AHNAK: variants seen among roughly 807,000 people sequenced by gnomAD.
AHNAK encodes neuroblast differentiation-associated protein AHNAK.
A neutral mutation model predicts 37.8 loss-of-function variants in AHNAK; 23 were observed. That is an observed-to-expected ratio of 0.61 (90% CI 0.44 to 0.86). The LOEUF is 0.86. AHNAK is among the 40% of genes least tolerant of loss of function. AHNAK has a pLI of 0.00. For synonymous variants in AHNAK, 2,481 were observed against 2,636.3 expected (o/e 0.94, Z 1.80); for missense variants, 7,411 against 7,319.4 (o/e 1.01, Z -0.46).
chr11:62,527,542 T>C lies in AHNAK; in HGVS notation c.6875A>G (p.Glu2292Gly). The C allele has an allele frequency of 6.2e-7, 1 of 1,612,810 alleles. No homozygotes were observed. ...EVPDVSLEGPEGKLKGPKFKM... is the reference protein window; with the variant it reads ...EVPDVSLEGPGGKLKGPKFKM... The stretch of plus-strand genomic sequence containing the variant: ...AAACTTGGGGCCCTTCAGCTTCCCT[T>C]CTGGACCTTCAAGGCTCACATCTGG... Residue 2292 changes from glutamate to glycine, a missense_variant, in exon 5 of 5, where the codon GAA becomes GGA. Transcript: ENST00000378024.
rs1433805311 is a variant in AHNAK at position 62,461,071 on chromosome 11, G to A, written c.443-27180C>T. ...AGGATGGTCTCAATCTCCTGACCTC[G>A]TGATCCGCCCGCCTCGGCCTCCCAA... On this transcript the variant is annotated intron_variant, in intron 5 of 5. Transcript: ENST00000257247. Among the ~76,000 whole-genome samples the A allele has an allele frequency of 5.0e-5, 7 of 141,356 alleles. No individual in the cohort carries two copies. The East Asian group carries it at 1.0e-3, about 21-fold the overall frequency. The allele number at this position is 141,356 out of a possible 152,430, so 92.7% of individuals were successfully genotyped here. A position where few individuals can be genotyped will look rare whatever the true frequency, so the allele number is the denominator to read the frequency against.
chr11:62,520,381 G>A lies in AHNAK; in HGVS notation c.14036C>T (p.Ala4679Val), dbSNP rs746257944. The change falls in exon 5 of 5, where the codon GCT becomes GTT. Residue 4679 changes from alanine to valine, a missense_variant. By Grantham distance (64) the Ala-to-Val change is moderately conservative. Coordinates refer to ENST00000378024, the MANE Select transcript of AHNAK (RefSeq NM_001620.3). Reference protein sequence around the residue: ...GPDVDVNLPKADIDVSGPKVD... With the variant: ...GPDVDVNLPKVDIDVSGPKVD... ...TTTGGGTCCTGAGACATCAATGTCA[G>A]CCTTGGGCAGGTTCACATCCACATC... 32 of 1,613,172 alleles carry A rather than the reference G, an allele frequency of 2.0e-5. No homozygotes were observed. Among genetic ancestry groups the A allele is most frequent in the Non-Finnish European group, 2.7e-5 (32 of 1,179,888 alleles).
chr11:62,528,201 C>T lies in AHNAK; in HGVS notation c.6216G>A (p.Leu2072=). The T allele has an allele frequency of 6.2e-7, 1 of 1,614,120 alleles. No individual in the cohort carries two copies. The highest frequency in any genetic ancestry group is 8.5e-7 in the Non-Finnish European group (1 of 1,180,032). ...KAEGPEVDVN[L]PKADVVVSGP... ...CTGAGACAACAACATCAGCCTTGGG[C>T]AAGTTCACATCCACTTCTGGGCCCT... The change falls in exon 5 of 5, where the codon TTG becomes TTA. Residue 2072 remains leucine, a synonymous_variant. Coordinates refer to ENST00000378024, the MANE Select transcript of AHNAK (RefSeq NM_001620.3).
intron 4 of AHNAK, among the ~76,000 whole-genome samples, chr11:62,504,006 C>A (rs1213730009): frequency 1.3e-5 from 2 of 151,734 alleles, no homozygotes; most frequent in Non-Finnish European, 2.9e-5. Context: ...ACTAAAAATA[C>A]AAAAATTAGC....
intron 4 of AHNAK, among the ~76,000 whole-genome samples, chr11:62,497,781 C>T (rs530368147): frequency 6.6e-6 from 1 of 151,988 alleles, no homozygotes; most frequent in African/African-American, 2.4e-5. Flanking sequence ...GCCAAAATGA[C>T]GAAACTCCAT....
At chr11:62,464,079 T>A (rs74584939) in intron 5 of AHNAK, among the ~76,000 whole-genome samples, 4 of 151,136 alleles carry the variant, frequency 2.6e-5, no homozygotes, top group East Asian at 2.0e-4. Flanking sequence ...GTTTTTTTTT[T>A]AATAGGATCT....
At position 62,525,622 on chromosome 11, in the gene AHNAK, A is replaced by C. The variant is rs1326352972; in HGVS notation, c.8795T>G (p.Val2932Gly). ...TTCAATGTTAACATCAGGGCCTTCA[A>C]CGTCCACTTTGGGGCCTGAGACATC... ...DVDVSGPKVD[V>G]EGPDVNIEGP... is the part of the protein sequence containing the mutation. The change falls in exon 5 of 5, where the codon GTT becomes GGT. Residue 2932 changes from valine to glycine, a missense_variant. Physicochemically the swap from Val to Gly is moderately radical, Grantham distance 109. Transcript: ENST00000378024. 3 of 1,612,668 alleles carry C rather than the reference A, an allele frequency of 1.9e-6. No individual in the cohort carries two copies. In the African/African-American group the frequency reaches 4.0e-5, roughly 22 times the overall value.
intron 4 of AHNAK, among the ~76,000 whole-genome samples, chr11:62,496,958 G>A (rs532760528): frequency 6.6e-6 from 1 of 152,242 alleles, no homozygotes; most frequent in Non-Finnish European, 1.5e-5. Flanking sequence ...TTAAGGTGTG[G>A]GTGGGAGAAG....
At chr11:62,473,833 C>CA (rs1008031526) in intron 5 of AHNAK, among the ~76,000 whole-genome samples, 6 of 151,536 alleles carry the variant, frequency 4.0e-5, no homozygotes, top group Non-Finnish European at 5.9e-5. Context: ...CCCACCTCTA[C>CA]AAAAAAAATA....
chr11:62,514,394 G>C (rs1180995749), downstream of AHNAK, among the ~76,000 whole-genome samples: 1 of 152,230 alleles, frequency 6.6e-6, no homozygotes, highest in African/African-American at 2.4e-5. Context: ...CCCAGGCCCA[G>C]TTAGGACAGA....
intron 5 of AHNAK, among the ~76,000 whole-genome samples, chr11:62,443,120 T>G (rs999322500): frequency 1.4e-5 from 2 of 145,480 alleles, no homozygotes; most frequent in Non-Finnish European, 3.0e-5. Context: ...TACAGGCACA[T>G]GCCACCACTT....
At position 62,519,183 on chromosome 11, in the gene AHNAK, G is replaced by A; in HGVS notation, c.15234C>T (p.Pro5078=). The A allele has an allele frequency of 1.9e-6, 3 of 1,613,336 alleles. No homozygotes were observed. The highest frequency in any genetic ancestry group is 2.5e-6 in the Non-Finnish European group (3 of 1,179,758). Residue 5078 remains proline, a synonymous_variant, in exon 5 of 5, where the codon CCC becomes CCT. Coordinates refer to ENST00000378024, the MANE Select transcript of AHNAK (RefSeq NM_001620.3). ...DAALKVDVKS[P]KTKKTMFGKM... is the part of the protein sequence containing the mutation. ...TTCCAAACATCGTTTTCTTGGTTTTGGGCGATTTCACGTCGACTTTGAGTG... is the reference window on the plus strand; with the variant it reads ...TTCCAAACATCGTTTTCTTGGTTTTAGGCGATTTCACGTCGACTTTGAGTG...
intron 5 of AHNAK, among the ~76,000 whole-genome samples, chr11:62,487,485 C>A (rs1939416182): frequency 6.6e-6 from 1 of 152,188 alleles, no homozygotes; most frequent in Non-Finnish European, 1.5e-5. Context: ...CCCTCAAAAC[C>A]GCCTTCAACA....
intron 5 of AHNAK, among the ~76,000 whole-genome samples, chr11:62,479,370 T>C (rs1247646665): frequency 6.6e-6 from 1 of 151,910 alleles, no homozygotes; most frequent in Non-Finnish European, 1.5e-5. Context: ...TTTCTCCACG[T>C]TGGTCAGGCT....
At chr11:62,436,289 G>A (rs1938169977) in intron 5 of AHNAK, among the ~76,000 whole-genome samples, 1 of 152,104 alleles carries the variant, frequency 6.6e-6, no homozygotes, top group Non-Finnish European at 1.5e-5. Flanking sequence ...TTTAAAGAAT[G>A]GTGTCTGCAA....
chr11:62,477,384 G>T (rs374777478), intron 5 of AHNAK, among the ~76,000 whole-genome samples: 2 of 152,150 alleles, frequency 1.3e-5, no homozygotes, highest in South Asian at 2.1e-4. Flanking sequence ...GGAGGAGAGA[G>T]AGAAGCAGAA....
chr11:62,530,186 C>T lies in AHNAK; in HGVS notation c.4231G>A (p.Val1411Ile), dbSNP rs748532801. ...TCCATTTTGGGTCCTGAGACATCAA[C>T]GTCAGCTTTGGGCAGCTTCACATCC... is the stretch of plus-strand genomic sequence containing the variant. ...EVDVKLPKADVDVSGPKMDAE... is the reference protein window; with the variant it reads ...EVDVKLPKADIDVSGPKMDAE... The change falls in exon 5 of 5, where the codon GTT becomes ATT. Residue 1411 changes from valine (V) to isoleucine (I), a missense_variant. Physicochemically the swap from Val to Ile is conservative, Grantham distance 29. Transcript: ENST00000378024. 3.7e-6 allele frequency: 6 copies of T among 1,611,324 alleles called. No homozygotes were observed. The highest frequency in any genetic ancestry group is 3.3e-5 in the Admixed American group (2 of 59,708).
Position 62,520,518 on chromosome 11 carries a change from T to C in AHNAK, c.13899A>G (p.Lys4633=), listed in dbSNP as rs759193319. The stretch of plus-strand genomic sequence containing the variant: ...CCACATCTGGGACATCAATGTCCAC[T>C]TTGGGGTCCCTGATGTCAACTTCGG... ...KGPEVDIRDP[K]VDIDVPDVDV... Residue 4633 remains lysine, a synonymous_variant, in exon 5 of 5, where the codon AAA becomes AAG. Transcript: ENST00000378024. 6 of 1,614,006 alleles carry C rather than the reference T, an allele frequency of 3.7e-6. No homozygotes were observed. The highest frequency in any genetic ancestry group is 2.7e-5 in the African/African-American group (2 of 74,884).
chr11:62,498,945 T>C (rs1290887574), intron 4 of AHNAK, among the ~76,000 whole-genome samples: 1 of 152,192 alleles, frequency 6.6e-6, no homozygotes, highest in Non-Finnish European at 1.5e-5. Flanking sequence ...TTATTGAGCA[T>C]CTACTGTGGG....
Sources: allele counts gnomAD v4.1 joint callset (sites outside exome capture counted in the v4.1 genomes callset), GRCh38; gene constraint gnomAD v4.1.1; transcripts MANE v1.5; gene names NCBI Gene and HGNC (gene_info 2026-07-23, HGNC 2026-07-21).